Variants in TMC1 observed in about 807,000 individuals in gnomAD.
TMC1 encodes transmembrane channel like 1.
In TMC1, 84 loss-of-function variants were observed where a neutral mutation model predicts 105.8. That is an observed-to-expected ratio of 0.79 (90% CI 0.67 to 0.95). The LOEUF is 0.95. Among genes scored for constraint, TMC1 ranks in the 40% least tolerant of loss-of-function variants. TMC1 has a pLI of 0.00. For missense variants in TMC1, 817 were observed against 914.1 expected (o/e 0.89, Z 1.37); for synonymous variants, 315 against 311.5 (o/e 1.01, Z -0.12).
chr9:72,778,051 T>C (rs1397837808), intron 13 of TMC1, among the ~76,000 whole-genome samples: 1 of 152,228 alleles, frequency 6.6e-6, no homozygotes, highest in Non-Finnish European at 1.5e-5. Flanking sequence ...TCCTTGCCTC[T>C]GTGGTGCTCA....
intron 1 of TMC1, among the ~76,000 whole-genome samples, chr9:72,525,059 T>A (rs1587937255): frequency 6.6e-6 from 1 of 152,188 alleles, no homozygotes; most frequent in Non-Finnish European, 1.5e-5. Flanking sequence ...TTCAAGGACA[T>A]AAGAAAGGGC....
chr9:72,780,538 C>G (rs1047250580), intron 13 of TMC1, among the ~76,000 whole-genome samples: 1 of 152,090 alleles, frequency 6.6e-6, no homozygotes, highest in Non-Finnish European at 1.5e-5. Context: ...GTGACACCCA[C>G]AGGCTCAAAA....
At chr9:72,760,301 A>T (rs767987811) in intron 12 of TMC1, among the ~76,000 whole-genome samples, 3 of 152,204 alleles carry the variant, frequency 2.0e-5, no homozygotes, top group Admixed American at 6.5e-5. Context: ...CTGTATTGTC[A>T]GATGATCTAA....
At chr9:72,796,712 G>A (rs1438926450) in intron 17 of TMC1, among the ~76,000 whole-genome samples, 1 of 152,120 alleles carries the variant, frequency 6.6e-6, no homozygotes. Context: ...AGGTATTGAA[G>A]GAACATACCT....
chr9:72,530,657 A>T (rs1823484192), intron 1 of TMC1, among the ~76,000 whole-genome samples: 1 of 149,276 alleles, frequency 6.7e-6, no homozygotes, highest in South Asian at 2.1e-4. Flanking sequence ...TTTCATCTTT[A>T]TATCTTTGTG....
rs115076697 is a variant in TMC1 at position 72,647,306 on chromosome 9, C to T, written c.-52-1291C>T. On this transcript the variant is annotated intron_variant, in intron 4 of 23. Transcript: ENST00000297784. The stretch of plus-strand genomic sequence containing the variant: ...TTTCTTTTTTAATTGTCTTCAGTTT[C>T]TTTAGTCTTGTTTTCATAATCTTCT... Among the ~76,000 whole-genome samples, 624 of 151,244 alleles carry T rather than the reference C, an allele frequency of 4.1e-3. 3 individuals are homozygous for T. Among genetic ancestry groups the T allele is most frequent in the African/African-American group, 0.014 (593 of 41,268 alleles).
At chr9:72,650,116 A>G (rs1825776239) in intron 5 of TMC1, among the ~76,000 whole-genome samples, 1 of 152,230 alleles carries the variant, frequency 6.6e-6, no homozygotes. Context: ...AATGTACTAA[A>G]TGATGCACTG....
At chr9:72,758,644 T>C (rs1197281874) in intron 12 of TMC1, among the ~76,000 whole-genome samples, 1 of 152,044 alleles carries the variant, frequency 6.6e-6, no homozygotes, top group Non-Finnish European at 1.5e-5. Context: ...TCCCATAGAA[T>C]GGGCAGAGAT....
At chr9:72,574,921 A>G (rs1824350597) in intron 1 of TMC1, among the ~76,000 whole-genome samples, 1 of 152,150 alleles carries the variant, frequency 6.6e-6, no homozygotes, top group Admixed American at 6.5e-5. Flanking sequence ...CTAGAAAGTC[A>G]GGACCAGAGC....
chr9:72,770,285 CATATATAT>C (rs1033172891), intron 12 of TMC1, among the ~76,000 whole-genome samples: 1 of 145,256 alleles, frequency 6.9e-6, no homozygotes, highest in African/African-American at 2.5e-5. Flanking sequence ...CACACATATA[CATATATAT>C]ATATATAAAA....
At chr9:72,547,913 G>C (rs1181559066) in intron 1 of TMC1, among the ~76,000 whole-genome samples, 1 of 152,196 alleles carries the variant, frequency 6.6e-6, no homozygotes, top group Non-Finnish European at 1.5e-5. Context: ...CCAAGATCTG[G>C]TATCTGCTGA....
intron 5 of TMC1, among the ~76,000 whole-genome samples, chr9:72,687,072 A>ATAT (rs1177812452): frequency 6.6e-6 from 1 of 152,054 alleles, no homozygotes; most frequent in Non-Finnish European, 1.5e-5. Context: ...AATCTTTCCT[A>ATAT]AAGATTTCCT....
At chr9:72,744,374 A>T (rs998157288) in intron 10 of TMC1, among the ~76,000 whole-genome samples, 3 of 152,248 alleles carry the variant, frequency 2.0e-5, no homozygotes, top group African/African-American at 7.2e-5. Context: ...GAATAAAATT[A>T]CAGACAAACT....
chr9:72,669,182 G>T (rs554984882), intron 5 of TMC1, among the ~76,000 whole-genome samples: 1 of 152,036 alleles, frequency 6.6e-6, no homozygotes, highest in Non-Finnish European at 1.5e-5. Flanking sequence ...GGCGGCAGGC[G>T]CCTGTAATCC....
At chr9:72,834,859 C>T (rs1422820567) in intron 23 of TMC1, among the ~76,000 whole-genome samples, 5 of 152,114 alleles carry the variant, frequency 3.3e-5, no homozygotes, top group Admixed American at 6.5e-5. Context: ...ACCCCTTTGC[C>T]CCACCAAGCT....
At chr9:72,604,266 C>A (rs1367041066) in intron 2 of TMC1, among the ~76,000 whole-genome samples, 1 of 151,808 alleles carries the variant, frequency 6.6e-6, no homozygotes, top group East Asian at 1.9e-4. Context: ...TTTTTTTGTT[C>A]ATAAGGTCTT....
chr9:72,789,881 C>T (rs188612466), intron 15 of TMC1, among the ~76,000 whole-genome samples: 1 of 152,210 alleles, frequency 6.6e-6, no homozygotes, highest in Admixed American at 6.5e-5. Context: ...TGCAGCATCT[C>T]CATCTCCATT....
chr9:72,816,072 A>G (rs1828782693), intron 18 of TMC1, 71 bp from the exon 19 acceptor site: 1 of 1,375,534 alleles, frequency 7.3e-7, no homozygotes, highest in Non-Finnish European at 1.0e-6. Context: ...AGCCATGCCT[A>G]TGCAGAACAA....
chr9:72,683,196 G>A (rs12005735), intron 5 of TMC1, among the ~76,000 whole-genome samples: 15,048 of 152,162 alleles, frequency 0.099, 804 homozygotes, highest in Non-Finnish European at 0.13. Flanking sequence ...TAGCATCCAA[G>A]TGGCTCATTG....
Sources: gnomAD v4.1 joint callset for allele counts (sites outside exome capture counted in the v4.1 genomes callset) on GRCh38, gnomAD v4.1.1 for gene constraint, MANE v1.5 for transcripts, NCBI Gene and HGNC (gene_info 2026-07-23, HGNC 2026-07-21) for gene names.